The following HIBADH variants were observed in gnomAD, a reference collection of about 807,000 sequenced individuals.
HIBADH encodes 3-hydroxyisobutyrate dehydrogenase, also known as 3-hydroxyisobutyrate dehydrogenase, mitochondrial.
Under a neutral mutation model 36.1 loss-of-function variants are expected in HIBADH, and 25 were observed. That is an observed-to-expected ratio of 0.69 (90% confidence interval 0.50 to 0.97). HIBADH has a LOEUF of 0.97. HIBADH is among the 50% of genes least tolerant of loss of function. The pLI is 0.00. For synonymous variants in HIBADH, 160 were observed against 149.5 expected (o/e 1.07, Z -0.51); for missense variants, 421 against 418.0 (o/e 1.01, Z -0.06).
chr7:27,628,350 T>C (rs1785684872), intron 4 of HIBADH, among the ~76,000 whole-genome samples: 1 of 152,134 alleles, frequency 6.6e-6, no homozygotes, highest in Non-Finnish European at 1.5e-5. Flanking sequence ...TATTATATGT[T>C]ACTTTTTAAT....
At position 27,629,424 on chromosome 7, in the gene HIBADH, G is replaced by A; in HGVS notation, c.431C>T (p.Ala144Val). Residue 144 changes from alanine to valine, a missense_variant, in exon 4 of 8, where the codon GCC (alanine) becomes GTC (valine). By Grantham distance (64) the Ala-to-Val change is moderately conservative (BLOSUM62 0). Coordinates refer to ENST00000265395, the MANE Select transcript of HIBADH (RefSeq NM_152740.4). ...TIDPAVSKEL[A>V]KEVEKMGAVF... ...TGCTCCCATTTTCTCAACTTCTTTG[G>A]CCAATTCTTTTGAAACTGCAGGATC... 1 of 1,611,674 alleles carries A rather than the reference G, an allele frequency of 6.2e-7. No individual in the cohort carries two copies. The highest frequency in any genetic ancestry group is 8.5e-7 in the Non-Finnish European group (1 of 1,178,654).
At chr7:27,559,132 T>C (rs1212846462) in intron 4 of HIBADH, among the ~76,000 whole-genome samples, 1 of 152,332 alleles carries the variant, frequency 6.6e-6, no homozygotes, top group African/African-American at 2.4e-5. Flanking sequence ...CTTCCTTTTA[T>C]GTGTGTGTCT....
At chr7:27,606,615 C>T (rs1785233767) in intron 4 of HIBADH, among the ~76,000 whole-genome samples, 1 of 152,194 alleles carries the variant, frequency 6.6e-6, no homozygotes, top group Non-Finnish European at 1.5e-5. Context: ...TTTATTGCCT[C>T]CAGTTTTATT....
intron 2 of HIBADH, among the ~76,000 whole-genome samples, chr7:27,642,025 A>T (rs1228690617): frequency 6.6e-6 from 1 of 152,156 alleles, no homozygotes; most frequent in Non-Finnish European, 1.5e-5. Flanking sequence ...GTATTGGGGG[A>T]GGAGTGGCAA....
chr7:27,526,272 T>A lies in HIBADH; in HGVS notation c.953A>T (p.Tyr318Phe). The A allele has an allele frequency of 6.2e-7, 1 of 1,613,392 alleles. No homozygotes were observed. Reference protein sequence around the residue: ...QIYRMMCAKGYSKKDFSSVFQ... With the variant: ...QIYRMMCAKGFSKKDFSSVFQ... Reference sequence around the variant, plus strand: ...CACGGATGAGAAGTCTTTCTTTGAGTAGCCCTTTGCACACATCATCCTGTA... The same window carrying A: ...CACGGATGAGAAGTCTTTCTTTGAGAAGCCCTTTGCACACATCATCCTGTA... Residue 318 changes from tyrosine (Y) to phenylalanine (F), a missense_variant, in exon 8 of 8, where the codon TAC becomes TTC. Transcript: ENST00000265395.
intron 4 of HIBADH, among the ~76,000 whole-genome samples, chr7:27,550,790 G>C (rs1427997585): frequency 2.0e-5 from 3 of 152,128 alleles, no homozygotes; most frequent in Non-Finnish European, 4.4e-5. Context: ...CCAGCACATG[G>C]CATGTGTCTG....
chr7:27,574,840 GTACA>G (rs1428587311), intron 4 of HIBADH, among the ~76,000 whole-genome samples: 2 of 152,092 alleles, frequency 1.3e-5, no homozygotes, highest in Non-Finnish European at 2.9e-5. Flanking sequence ...ATAGAGCTAT[GTACA>G]TACAAAATGA....
At chr7:27,569,920 G>A (rs543897589) in intron 4 of HIBADH, among the ~76,000 whole-genome samples, 1 of 152,220 alleles carries the variant, frequency 6.6e-6, no homozygotes, top group South Asian at 2.1e-4. Context: ...GGCAGAGCTG[G>A]GAGGGAAGAA....
intron 4 of HIBADH, among the ~76,000 whole-genome samples, chr7:27,611,291 A>G (rs1014711684): frequency 2.6e-5 from 4 of 152,238 alleles, no homozygotes; most frequent in African/African-American, 9.6e-5. Context: ...CTACAGATGT[A>G]TTAGGCAATC....
chr7:27,601,765 C>T (rs1230428865), intron 4 of HIBADH, among the ~76,000 whole-genome samples: 1 of 152,034 alleles, frequency 6.6e-6, no homozygotes, highest in African/African-American at 2.4e-5. Flanking sequence ...TTCTGGTTTT[C>T]ACTTGTTTAT....
chr7:27,639,516 A>T (rs1241688482), intron 2 of HIBADH, among the ~76,000 whole-genome samples: 1 of 152,092 alleles, frequency 6.6e-6, no homozygotes, highest in East Asian at 1.9e-4. Context: ...GTGGCAAAAT[A>T]ATCTGTACAC....
intron 2 of HIBADH, 102 bp from the exon 3 acceptor site, chr7:27,632,547 G>A (rs1455993484): frequency 9.5e-6 from 5 of 526,522 alleles, no homozygotes; most frequent in Admixed American, 2.8e-5. Context: ...AACAGTGACA[G>A]TGCATAAAGA....
At chr7:27,600,196 A>G (rs144179346) in intron 4 of HIBADH, among the ~76,000 whole-genome samples, 1 of 152,306 alleles carries the variant, frequency 6.6e-6, no homozygotes, top group African/African-American at 2.4e-5. Context: ...CCTAGAATAT[A>G]ACAATCTACC....
intron 2 of HIBADH, 26 bp downstream of exon 2, chr7:27,649,447 A>C (rs757713161): frequency 6.5e-7 from 1 of 1,550,044 alleles, no homozygotes; most frequent in Non-Finnish European, 8.7e-7. Context: ...TCAAAATCTA[A>C]AACAAATCTA....
chr7:27,595,583 T>G (rs1258736536), intron 4 of HIBADH, among the ~76,000 whole-genome samples: 2 of 67,870 alleles, frequency 2.9e-5, no homozygotes, highest in South Asian at 6.1e-4. Flanking sequence ...AGGGCAGGTG[T>G]GTGTGTGTGT....
In HIBADH at chr7:27,617,449, C is replaced by G. The variant is rs544769649; in HGVS notation, c.484+11922G>C. 2.0e-5 allele frequency among the ~76,000 whole-genome samples: 3 copies of G among 152,238 alleles called. No homozygotes were observed. In the East Asian group the frequency reaches 5.8e-4, roughly 29 times the overall value. The stretch of plus-strand genomic sequence containing the variant: ...TATAACAACTTATATTAAATTTTCA[C>G]CAACTTGGTCAAAACTCAGTTACCT... On this transcript the variant is annotated intron_variant, in intron 4 of 7. Coordinates refer to ENST00000265395, the MANE Select transcript of HIBADH (RefSeq NM_152740.4).
intron 2 of HIBADH, 93 bp downstream of exon 2, chr7:27,649,380 A>T (rs1450806275): frequency 2.0e-5 from 19 of 938,234 alleles, no homozygotes; most frequent in Non-Finnish European, 2.0e-5. Flanking sequence ...TTACAACTCC[A>T]TTGGGTATAC....
chr7:27,599,718 GAAC>G (rs935790294), intron 4 of HIBADH, among the ~76,000 whole-genome samples: 3 of 142,080 alleles, frequency 2.1e-5, no homozygotes, highest in African/African-American at 5.2e-5. Context: ...GATTACAGCT[GAAC>G]AACAGAAAGT....
chr7:27,577,087 A>G (rs1784721353), intron 4 of HIBADH, among the ~76,000 whole-genome samples: 1 of 152,170 alleles, frequency 6.6e-6, no homozygotes, highest in Non-Finnish European at 1.5e-5. Flanking sequence ...TTTTTCTTAA[A>G]GAGATTTCTA....
Sources: allele counts gnomAD v4.1 joint callset (sites outside exome capture counted in the v4.1 genomes callset), GRCh38; gene constraint gnomAD v4.1.1; transcripts MANE v1.5; gene names NCBI Gene and HGNC (gene_info 2026-07-23, HGNC 2026-07-21).